Variants in TRAPPC2 observed in about 807,000 individuals in gnomAD.
The protein encoded by TRAPPC2 is trafficking protein particle complex subunit 2.
In TRAPPC2, 4 loss-of-function variants were observed where a neutral mutation model predicts 10.0. That is an observed-to-expected ratio of 0.40 (90% CI 0.20 to 0.92). The LOEUF (loss-of-function observed/expected upper bound fraction) is 0.92, where lower values mean the gene tolerates loss of function less well. Ranked by LOEUF, TRAPPC2 falls within the 40% of genes least tolerant of loss-of-function variation. TRAPPC2 has a pLI of 0.35. For missense variants in TRAPPC2, 52 were observed against 108.7 expected (o/e 0.48, Z 2.32); for synonymous variants, 36 against 37.3 (o/e 0.97, Z 0.12).
rs776051728 is a variant in TRAPPC2, at chrX:13,730,435, G to A, written c.-20+3609C>T. ...GGAAATAACAGATGCTGGAGAGGAT[G>A]TGGAGAAATAGGAACACTTTTACAC... On this transcript the variant is annotated intron_variant, in intron 2 of 5. Transcript: ENST00000380579. Among the ~76,000 whole-genome samples, 3 of 112,144 alleles carry A rather than the reference G, an allele frequency of 2.7e-5. No individual in the cohort carries two copies. In the South Asian group the frequency reaches 1.1e-3, roughly 42 times the overall value.
intron 2 of TRAPPC2, among the ~76,000 whole-genome samples, chrX:13,729,492 A>C (rs1165152963): frequency 8.9e-6 from 1 of 112,693 alleles, no homozygotes; most frequent in East Asian, 2.8e-4. Context: ...AAAACAAGAA[A>C]TGGGGAAAGG....
intron 3 of TRAPPC2, among the ~76,000 whole-genome samples, chrX:13,719,108 G>C (rs2046356411): frequency 9.0e-6 from 1 of 111,401 alleles, no homozygotes; most frequent in Non-Finnish European, 1.9e-5. Context: ...AGTGAGCTGA[G>C]ATCGTGTCAC....
intron 2 of TRAPPC2, among the ~76,000 whole-genome samples, chrX:13,724,609 T>C (rs1013295258): frequency 9.0e-6 from 1 of 111,508 alleles, no homozygotes; most frequent in Non-Finnish European, 1.9e-5. Flanking sequence ...ATAGGTATAT[T>C]AAGAAAACGT....
intron 2 of TRAPPC2, among the ~76,000 whole-genome samples, chrX:13,724,702 T>C (rs1312609563): frequency 8.9e-6 from 1 of 112,313 alleles, no homozygotes; most frequent in Non-Finnish European, 1.9e-5. Context: ...GATGGGTGAT[T>C]TCTGCATTTC....
Position 13,713,559 on chromosome X carries a change from C to T in TRAPPC2, c.*848G>A, listed in dbSNP as rs2046244206. The T allele has an allele frequency of 9.0e-6, 1 of 110,960 alleles. No individual in the cohort carries two copies. The highest frequency in any genetic ancestry group is 3.7e-4 in the South Asian group (1 of 2,684). The allele number at this position is 110,960 out of a possible 1,213,427, so 9.1% of individuals were successfully genotyped here. A position where few individuals can be genotyped will look rare whatever the true frequency, so the allele number is the denominator to read the frequency against. On this transcript the variant is annotated 3_prime_UTR_variant, in exon 6 of 6. Transcript: ENST00000380579. ...ATGGCCGGGCGTGGTGGCTCACACG[C>T]CTGTAATCCCAGCACTTCCTGAGGT...
Position 13,716,615 on chromosome X carries a change from T to C in TRAPPC2, c.157A>G (p.Met53Val), listed in dbSNP as rs911067483. ...HAALDLVDENMWLSNNMYLKT... is the reference protein window; with the variant it reads ...HAALDLVDENVWLSNNMYLKT... ...AAGTACATGTTGTTCGATAGCCACA[T>C]GTTCTCATCTACGAGGTCGAGAGCA... Residue 53 changes from methionine (M) to valine (V), a missense_variant, in exon 4 of 6, where the codon ATG becomes GTG. Physicochemically the swap from Met to Val is conservative, Grantham distance 21. Transcript: ENST00000380579. The C allele has an allele frequency of 2.5e-6, 3 of 1,210,346 alleles. No homozygotes were observed. Among genetic ancestry groups the C allele is most frequent in the African/African-American group, 3.5e-5 (2 of 57,457 alleles).
At chrX:13,720,077 C>G in intron 2 of TRAPPC2, 95 bp from the exon 3 acceptor site, 1 of 633,438 alleles carries the variant, frequency 1.6e-6, no homozygotes. Context: ...TAAATTTAAA[C>G]CTGACATTGT....
chrX:13,718,154 C>G (rs770820972), intron 3 of TRAPPC2, among the ~76,000 whole-genome samples: 6 of 112,752 alleles, frequency 5.3e-5, no homozygotes, highest in Non-Finnish European at 1.1e-4. Context: ...CTGTCCCAAG[C>G]CACTCAGTTT....
intron 2 of TRAPPC2, among the ~76,000 whole-genome samples, chrX:13,729,768 C>T (rs2046633733): frequency 9.0e-6 from 1 of 111,020 alleles, no homozygotes; most frequent in African/African-American, 3.3e-5. Flanking sequence ...CTTAGCCGGG[C>T]GTGGTGGCAC....
intron 2 of TRAPPC2, among the ~76,000 whole-genome samples, chrX:13,723,356 C>T (rs148223387): frequency 0.014 from 1,523 of 109,089 alleles, 26 homozygotes; most frequent in African/African-American, 0.048. Context: ...TTAGTAGAGA[C>T]GGGGATTCAC....
chrX:13,727,850 T>C (rs910901456), intron 2 of TRAPPC2, among the ~76,000 whole-genome samples: 1 of 111,300 alleles, frequency 9.0e-6, no homozygotes, highest in Non-Finnish European at 1.9e-5. Flanking sequence ...GATAGACCAC[T>C]AGCAAGACTA....
At chrX:13,716,210 T>A (rs2041348240) in intron 4 of TRAPPC2, 121 bp from the exon 5 acceptor site, 5 of 785,660 alleles carry the variant, frequency 6.4e-6, no homozygotes, top group Non-Finnish European at 8.9e-6. Context: ...GTTGAATATA[T>A]AAACTGGGTT....
chrX:13,724,902 C>T (rs1013861470), intron 2 of TRAPPC2, among the ~76,000 whole-genome samples: 3 of 113,262 alleles, frequency 2.6e-5, no homozygotes, highest in African/African-American at 9.6e-5. Context: ...CACCCAAATA[C>T]TGTGCTTTTC....
rs1261005107 is a variant in TRAPPC2, at chrX:13,712,538, A to G, written c.*1869T>C. The G allele has an allele frequency of 3.6e-5, 4 of 112,372 alleles. No individual in the cohort carries two copies. Among genetic ancestry groups the G allele is most frequent in the Non-Finnish European group, 1.9e-5 (1 of 53,300 alleles). 9.3% of individuals were successfully genotyped at this position (112,372 alleles called of 1,213,427 possible). On this transcript the variant is annotated 3_prime_UTR_variant, in exon 6 of 6. Transcript: ENST00000380579. ...TAATCCAAGCTTTTCTTTGACAACA[A>G]TACTAAAAATTGCCTTACAATTTTT...
At chrX:13,716,227 T>C in intron 4 of TRAPPC2, 138 bp from the exon 5 acceptor site, 2 of 719,012 alleles carry the variant, frequency 2.8e-6, no homozygotes, top group Non-Finnish European at 4.0e-6. Context: ...GGTTTAAAAT[T>C]AGCTTAGTTT....
rs180963487 is a variant in TRAPPC2 at position 13,730,722 on chromosome X, G to C, written c.-20+3322C>G. On this transcript the variant is annotated intron_variant, in intron 2 of 5. Transcript: ENST00000380579. ...GAAAATGTGGCACATATACACCATG[G>C]AATACTATGCAGCCATAAAAAAGGA... Among the ~76,000 whole-genome samples the C allele has an allele frequency of 1.5e-3, 171 of 111,347 alleles. No homozygotes were observed. The East Asian group carries it at 0.036, about 24-fold the overall frequency.
At chrX:13,715,940 C>A (rs1217253651) in intron 5 of TRAPPC2, 64 bp downstream of exon 5, 2 of 1,121,261 alleles carry the variant, frequency 1.8e-6, no homozygotes, top group Non-Finnish European at 2.4e-6. Context: ...TTCAATAGGC[C>A]AGTTTCCTGA....
intron 2 of TRAPPC2, among the ~76,000 whole-genome samples, chrX:13,732,878 G>A (rs1176356826): frequency 8.9e-6 from 1 of 112,818 alleles, no homozygotes; most frequent in East Asian, 2.8e-4. Flanking sequence ...CCCTGTGCTC[G>A]CGAGAGCAGT....
rs2046254944 is a variant in TRAPPC2 at position 13,714,162 on chromosome X, AAC to A, written c.*243_*244del. 12 of 200,181 alleles carry A rather than the reference AAC, an allele frequency of 6.0e-5. No individual in the cohort carries two copies. The Admixed American group carries it at 7.7e-4, about 13-fold the overall frequency. The allele number at this position is 200,181 out of a possible 1,213,427, so 16.5% of individuals were successfully genotyped here. A position where few individuals can be genotyped will look rare whatever the true frequency, so the allele number is the denominator to read the frequency against. On this transcript the variant is annotated 3_prime_UTR_variant, in exon 6 of 6. Coordinates refer to ENST00000380579, the MANE Select transcript of TRAPPC2 (RefSeq NM_001011658.4). ...GTATCAGAAAAAAAAAAAAAAAAAA[AAC>A]ATGATTATTGATAATGAACTCTTTA...
Sources: gnomAD v4.1 joint callset for allele counts (sites outside exome capture counted in the v4.1 genomes callset) on GRCh38, gnomAD v4.1.1 for gene constraint, MANE v1.5 for transcripts, NCBI Gene and HGNC (gene_info 2026-07-23, HGNC 2026-07-21) for gene names.